Variants in SPAG6 observed in about 807,000 individuals in gnomAD.
The protein encoded by SPAG6 is sperm associated antigen 6.
A neutral mutation model predicts 58.5 loss-of-function variants in SPAG6; 49 were observed. That is an observed-to-expected ratio of 0.84 (90% CI 0.67 to 1.06). The LOEUF (loss-of-function observed/expected upper bound fraction) is 1.06. Among genes scored for constraint, SPAG6 ranks in the 50% least tolerant of loss-of-function variants. The probability of loss-of-function intolerance (pLI) is 0.00; values close to 1 mark genes in which losing one functional copy is unlikely to be tolerated. For synonymous variants in SPAG6, 233 were observed against 225.6 expected, an observed-to-expected ratio of 1.03 and a Z score of -0.29; for missense variants, 560 against 611.3, an observed-to-expected ratio of 0.92 and a Z score of 0.89.
At chr10:22,390,595 CTTAT>C (rs1238998542) in intron 7 of SPAG6, among the ~76,000 whole-genome samples, 1 of 152,124 alleles carries the variant, frequency 6.6e-6, no homozygotes, top group Non-Finnish European at 1.5e-5. Flanking sequence ...CATTCCTTAT[CTTAT>C]TTGTTATTCA....
chr10:22,353,425 G>A (rs1044257948), intron 2 of SPAG6, among the ~76,000 whole-genome samples: 1 of 152,244 alleles, frequency 6.6e-6, no homozygotes, highest in African/African-American at 2.4e-5. Context: ...GTGATTTTAG[G>A]TGAGGAAACA....
At chr10:22,400,605 G>C (rs746746272) in intron 8 of SPAG6, among the ~76,000 whole-genome samples, 3 of 151,748 alleles carry the variant, frequency 2.0e-5, no homozygotes, top group Non-Finnish European at 4.4e-5. Context: ...GATCCTATCT[G>C]TTTTGCTTCT....
At chr10:22,402,445 GT>G in intron 9 of SPAG6, among the ~76,000 whole-genome samples, 1 of 152,284 alleles carries the variant, frequency 6.6e-6, no homozygotes, top group African/African-American at 2.4e-5. Context: ...AGTTTGCCTA[GT>G]TTTAGGTCTT....
intron 4 of SPAG6, among the ~76,000 whole-genome samples, chr10:22,381,207 C>A (rs1833947761): frequency 6.6e-6 from 1 of 152,060 alleles, no homozygotes; most frequent in South Asian, 2.1e-4. Context: ...AAGCCCCCCA[C>A]AGGCTGTTTT....
At chr10:22,370,132 G>A (rs552038178) in intron 4 of SPAG6, among the ~76,000 whole-genome samples, 5 of 152,174 alleles carry the variant, frequency 3.3e-5, no homozygotes, top group Non-Finnish European at 7.4e-5. Flanking sequence ...ATATAAAATT[G>A]TATATTACAA....
At chr10:22,396,293 T>TAAGG (rs1834290860) in intron 8 of SPAG6, among the ~76,000 whole-genome samples, 1 of 152,276 alleles carries the variant, frequency 6.6e-6, no homozygotes, top group Non-Finnish European at 1.5e-5. Context: ...CCCATACTGT[T>TAAGG]CTTGTGGTAG....
chr10:22,371,916 T>C (rs1833708813), intron 4 of SPAG6, among the ~76,000 whole-genome samples: 1 of 152,150 alleles, frequency 6.6e-6, no homozygotes, highest in Non-Finnish European at 1.5e-5. Context: ...GTGGGGTTTT[T>C]TTTTTCCAAC....
intron 2 of SPAG6, among the ~76,000 whole-genome samples, chr10:22,349,265 ACTC>A (rs1004169452): frequency 6.6e-6 from 1 of 151,982 alleles, no homozygotes; most frequent in African/African-American, 2.4e-5. Context: ...AATTAAAAGA[ACTC>A]ATATGAACAA....
chr10:22,384,450 G>C (rs1250603296), intron 4 of SPAG6, among the ~76,000 whole-genome samples: 2 of 152,154 alleles, frequency 1.3e-5, no homozygotes, highest in Non-Finnish European at 2.9e-5. Flanking sequence ...ATAGCCTGTT[G>C]GATGTGTAAT....
Position 22,411,169 on chromosome 10 carries a change from A to T in SPAG6, c.1453A>T (p.Ile485Leu), listed in dbSNP as rs779575955. Residue 485 changes from isoleucine (I) to leucine (L), a missense_variant, in exon 10 of 11, where the codon ATA becomes TTA. Transcript: ENST00000376624. The part of the protein sequence containing the change: ...NSINSCYPEE[I>L]VRYYSPGYSD... ...TATTAACAGTTGTTACCCCGAGGAA[A>T]TAGTGAGGTGGGGAAAATGGACTTT... The T allele has an allele frequency of 3.7e-6, 6 of 1,606,066 alleles. No individual in the cohort carries two copies. In the East Asian group the frequency reaches 1.1e-4, roughly 30 times the overall value.
chr10:22,406,419 T>A, intron 9 of SPAG6, among the ~76,000 whole-genome samples: 1 of 152,212 alleles, frequency 6.6e-6, no homozygotes, highest in Non-Finnish European at 1.5e-5. Context: ...CAGGAGCAGG[T>A]TGTTCAGTTT....
intron 10 of SPAG6, among the ~76,000 whole-genome samples, chr10:22,412,223 C>G (rs183726667): frequency 6.6e-6 from 1 of 152,060 alleles, no homozygotes; most frequent in Non-Finnish European, 1.5e-5. Flanking sequence ...ATTTTCTAAT[C>G]CTACATTTAT....
intron 2 of SPAG6, among the ~76,000 whole-genome samples, chr10:22,362,701 C>G (rs1837079241): frequency 6.6e-6 from 1 of 151,936 alleles, no homozygotes; most frequent in South Asian, 2.1e-4. Context: ...TGCACTCCAG[C>G]CTAGGCAACA....
chr10:22,387,021 T>A (rs904850992), intron 5 of SPAG6, 62 bp downstream of exon 5: 1 of 1,231,028 alleles, frequency 8.1e-7, no homozygotes, highest in African/African-American at 1.5e-5. Flanking sequence ...AATGGAAATG[T>A]GTACACGTGA....
chr10:22,409,864 C>T (rs1045173768), intron 9 of SPAG6, among the ~76,000 whole-genome samples: 10 of 152,148 alleles, frequency 6.6e-5, no homozygotes, highest in Non-Finnish European at 1.5e-4. Flanking sequence ...TCAAGTCTCC[C>T]TGATCCTAAG....
chr10:22,408,731 C>T (rs1393870270), intron 9 of SPAG6, among the ~76,000 whole-genome samples: 2 of 152,354 alleles, frequency 1.3e-5, no homozygotes, highest in Non-Finnish European at 2.9e-5. Context: ...GCCCCTCCCC[C>T]AGCCTCGCTG....
At chr10:22,360,914 T>C (rs1837018674) in intron 2 of SPAG6, 1 of 986,182 alleles carries the variant, frequency 1.0e-6, no homozygotes. Context: ...CTTCCTTCCA[T>C]TGTCACCATT....
intron 3 of SPAG6, among the ~76,000 whole-genome samples, chr10:22,366,812 A>G (rs1314259454): frequency 1.3e-5 from 2 of 152,194 alleles, no homozygotes; most frequent in African/African-American, 2.4e-5. Context: ...GATTTTCAGT[A>G]GAAGTTTTCT....
intron 3 of SPAG6, among the ~76,000 whole-genome samples, chr10:22,367,373 C>T (rs978114087): frequency 1.7e-4 from 26 of 152,178 alleles, no homozygotes; most frequent in Admixed American, 9.8e-4. Flanking sequence ...TCAAAAACAT[C>T]AGTACTAATA....
Sources: gnomAD v4.1 joint callset for allele counts (sites outside exome capture counted in the v4.1 genomes callset) on GRCh38, gnomAD v4.1.1 for gene constraint, MANE v1.5 for transcripts, NCBI Gene and HGNC (gene_info 2026-07-23, HGNC 2026-07-21) for gene names.